PITPNC1: variants seen among roughly 807,000 people sequenced by gnomAD.
PITPNC1 encodes cytoplasmic phosphatidylinositol transfer protein 1.
Under a neutral mutation model 44.7 loss-of-function variants are expected in PITPNC1, and 18 were observed. That is an observed-to-expected ratio of 0.40 (90% CI 0.28 to 0.60). The LOEUF (loss-of-function observed/expected upper bound fraction) is 0.60. Among genes scored for constraint, PITPNC1 ranks in the 20% least tolerant of loss-of-function variants. The pLI, the probability that PITPNC1 is intolerant of heterozygous loss-of-function variation, is 0.39. For missense variants in PITPNC1, 290 were observed against 418.4 expected, an observed-to-expected ratio of 0.69 and a Z score of 2.68; for synonymous variants, 141 against 149.6, an observed-to-expected ratio of 0.94 and a Z score of 0.42.
chr17:67,446,415 G>GAAA (rs879363223), intron 1 of PITPNC1, among the ~76,000 whole-genome samples: 2 of 135,600 alleles, frequency 1.5e-5, no homozygotes, highest in African/African-American at 5.4e-5. Context: ...TCTGTTTTCA[G>GAAA]AAAAAAAAAA....
intron 1 of PITPNC1, among the ~76,000 whole-genome samples, chr17:67,449,852 T>G (rs2039151416): frequency 6.6e-6 from 1 of 152,216 alleles, no homozygotes; most frequent in South Asian, 2.1e-4. Context: ...TAGCTCAGAT[T>G]TTAAAAAAAT....
At chr17:67,641,478 T>A (rs2042091743) in intron 6 of PITPNC1, among the ~76,000 whole-genome samples, 1 of 152,180 alleles carries the variant, frequency 6.6e-6, no homozygotes. Flanking sequence ...CACGCCTGTC[T>A]AGTGAGTTTT....
intron 6 of PITPNC1, among the ~76,000 whole-genome samples, chr17:67,645,812 T>C (rs972926493): frequency 1.3e-5 from 2 of 152,204 alleles, no homozygotes; most frequent in African/African-American, 2.4e-5. Flanking sequence ...TTGACATTAT[T>C]GAAGTTTATT....
chr17:67,510,986 A>G (rs1907447263), intron 1 of PITPNC1, among the ~76,000 whole-genome samples: 1 of 151,922 alleles, frequency 6.6e-6, no homozygotes. Flanking sequence ...CTTTCCCACA[A>G]TTATCTCTTA....
At chr17:67,521,644 TG>T (rs2040326506) in intron 1 of PITPNC1, among the ~76,000 whole-genome samples, 1 of 152,152 alleles carries the variant, frequency 6.6e-6, no homozygotes, top group Non-Finnish European at 1.5e-5. Context: ...CCTGGAAGAC[TG>T]GGGCTTAGCC....
chr17:67,393,611 T>C (rs1371309061), intron 1 of PITPNC1, among the ~76,000 whole-genome samples: 2 of 152,182 alleles, frequency 1.3e-5, no homozygotes, highest in Non-Finnish European at 2.9e-5. Flanking sequence ...GCCAGCGAAA[T>C]ACTTGGCAAT....
intron 8 of PITPNC1, among the ~76,000 whole-genome samples, chr17:67,690,404 C>T (rs754468128): frequency 1.3e-5 from 2 of 149,484 alleles, no homozygotes; most frequent in East Asian, 2.0e-4. Flanking sequence ...GCCGAGATCT[C>T]GCCGTTGCAC....
intron 5 of PITPNC1, among the ~76,000 whole-genome samples, chr17:67,631,053 G>GTTATTA (rs56142240): frequency 0.016 from 2,042 of 127,708 alleles, 25 homozygotes; most frequent in South Asian, 0.026. Context: ...TGTTGTTGTT[G>GTTATTA]TTATTATTAT....
chr17:67,692,776 G>A lies in PITPNC1; in HGVS notation c.887G>A (p.Arg296Gln), dbSNP rs1324869485. 1.2e-6 allele frequency: 2 copies of A among 1,613,726 alleles called. No homozygotes were observed. Among genetic ancestry groups the A allele is most frequent in the Non-Finnish European group, 1.7e-6 (2 of 1,179,768 alleles). Residue 296 changes from arginine to glutamine, a missense_variant, in exon 9 of 9, where the codon CGG becomes CAG. Coordinates refer to ENST00000581322, the MANE Select transcript of PITPNC1 (RefSeq NM_012417.4). ...EFLSVPKDRP[R>Q]KKSAPETLTL... Reference sequence around the variant, plus strand: ...CTGTCCGTTCCCAAAGATCGGCCCCGGAAAAAGTCTGCCCCAGAAACTCTC... The same window carrying A: ...CTGTCCGTTCCCAAAGATCGGCCCCAGAAAAAGTCTGCCCCAGAAACTCTC...
intron 1 of PITPNC1, among the ~76,000 whole-genome samples, chr17:67,501,350 A>G (rs2040027518): frequency 6.6e-6 from 1 of 152,142 alleles, no homozygotes; most frequent in Non-Finnish European, 1.5e-5. Flanking sequence ...TCCGGGTTAT[A>G]TGACATCTCC....
At chr17:67,514,748 C>T (rs1257356394) in intron 1 of PITPNC1, among the ~76,000 whole-genome samples, 1 of 152,048 alleles carries the variant, frequency 6.6e-6, no homozygotes, top group Non-Finnish European at 1.5e-5. Context: ...ATCGCTTGAA[C>T]CTGGGAAGTG....
chr17:67,549,185 G>A (rs1387601652), intron 2 of PITPNC1, among the ~76,000 whole-genome samples: 4 of 152,140 alleles, frequency 2.6e-5, no homozygotes, highest in Non-Finnish European at 5.9e-5. Context: ...CGGGCGCGGT[G>A]GTTCATGCCA....
At chr17:67,647,897 C>T (rs773979460) in intron 6 of PITPNC1, among the ~76,000 whole-genome samples, 3 of 152,140 alleles carry the variant, frequency 2.0e-5, no homozygotes, top group Non-Finnish European at 2.9e-5. Context: ...CAGTGAAATA[C>T]ATTGTATCAA....
chr17:67,670,071 C>G (rs548207367), intron 7 of PITPNC1, among the ~76,000 whole-genome samples: 143 of 151,396 alleles, frequency 9.4e-4, no homozygotes, highest in African/African-American at 3.3e-3. Context: ...GAAACTCTGT[C>G]TCAAAAAATA....
chr17:67,382,629 GT>G (rs1468785609), intron 1 of PITPNC1, among the ~76,000 whole-genome samples: 1 of 151,828 alleles, frequency 6.6e-6, no homozygotes, highest in Non-Finnish European at 1.5e-5. Flanking sequence ...TTGTTTGTTT[GT>G]TTCTTTTTCT....
At chr17:67,622,160 G>A (rs2041838450) in intron 5 of PITPNC1, among the ~76,000 whole-genome samples, 1 of 151,750 alleles carries the variant, frequency 6.6e-6, no homozygotes, top group Non-Finnish European at 1.5e-5. Flanking sequence ...GGGAAGCTGA[G>A]GCAGGAGAAT....
intron 6 of PITPNC1, 90 bp downstream of exon 6, chr17:67,632,328 C>A: frequency 1.2e-6 from 1 of 809,218 alleles, no homozygotes; most frequent in Non-Finnish European, 2.1e-6. Context: ...TGGGAGGATG[C>A]CATCTCTCGT....
intron 1 of PITPNC1, among the ~76,000 whole-genome samples, chr17:67,398,086 C>T (rs1319351713): frequency 4.3e-5 from 6 of 139,942 alleles, no homozygotes; most frequent in Non-Finnish European, 9.3e-5. Flanking sequence ...GAGCGAGACT[C>T]CGTCTCCAAA....
At chr17:67,636,570 C>T (rs1214139429) in intron 6 of PITPNC1, among the ~76,000 whole-genome samples, 1 of 152,188 alleles carries the variant, frequency 6.6e-6, no homozygotes, top group East Asian at 1.9e-4. Context: ...GTGGACCTGG[C>T]AGCCGGACCA....
Sources: allele counts gnomAD v4.1 joint callset (sites outside exome capture counted in the v4.1 genomes callset), GRCh38; gene constraint gnomAD v4.1.1; transcripts MANE v1.5; gene names NCBI Gene and HGNC (gene_info 2026-07-23, HGNC 2026-07-21).